The following BRINP3 variants were observed in gnomAD, a reference collection of about 807,000 sequenced individuals.
BRINP3 encodes the protein BMP/retinoic acid inducible neural specific 3, also known as BMP/retinoic acid-inducible neural-specific protein 3.
A neutral mutation model predicts 71.0 loss-of-function variants in BRINP3; 19 were observed. The ratio of observed to expected loss-of-function variants is 0.27; its 90% CI spans 0.19 to 0.39. The LOEUF (loss-of-function observed/expected upper bound fraction) is 0.39, where lower values mean the gene tolerates loss of function less well. BRINP3 is among the 10% of genes least tolerant of loss of function. The pLI is 1.00. For missense variants in BRINP3, 959 were observed against 940.8 expected (o/e 1.02, Z -0.25); for synonymous variants, 380 against 337.7 (o/e 1.13, Z -1.37).
chr1:190,220,679 T>C (rs1471437427), intron 6 of BRINP3, among the ~76,000 whole-genome samples: 2 of 151,968 alleles, frequency 1.3e-5, no homozygotes, highest in African/African-American at 4.8e-5. Flanking sequence ...TTAGGCAAAA[T>C]CATCCTTAAA....
At chr1:190,395,143 T>C (rs1015902373) in intron 2 of BRINP3, among the ~76,000 whole-genome samples, 2 of 151,788 alleles carry the variant, frequency 1.3e-5, no homozygotes, top group African/African-American at 4.8e-5. Flanking sequence ...TATTGTTTAC[T>C]CAGGCTGCCA....
chr1:190,421,443 A>G (rs1218450434), intron 2 of BRINP3, among the ~76,000 whole-genome samples: 1 of 151,274 alleles, frequency 6.6e-6, no homozygotes, highest in Non-Finnish European at 1.5e-5. Flanking sequence ...GTCATACTAA[A>G]AATGGATCTA....
intron 2 of BRINP3, among the ~76,000 whole-genome samples, chr1:190,395,982 GAAGGAAGGAAGC>G (rs1312965864): frequency 1.4e-5 from 2 of 146,904 alleles, no homozygotes; most frequent in African/African-American, 2.5e-5. Context: ...AAGAAGGAAG[GAAGGAAGGAAGC>G]AAGGAAGGAA....
intron 2 of BRINP3, among the ~76,000 whole-genome samples, chr1:190,438,412 A>G (rs1045344915): frequency 2.0e-5 from 3 of 151,740 alleles, no homozygotes; most frequent in African/African-American, 7.2e-5. Flanking sequence ...TATGTAAAAC[A>G]GGATGATATA....
At chr1:190,391,068 C>A (rs1344742691) in intron 2 of BRINP3, among the ~76,000 whole-genome samples, 2 of 151,794 alleles carry the variant, frequency 1.3e-5, no homozygotes, top group African/African-American at 4.8e-5. Flanking sequence ...CTCCTTCATG[C>A]CAGTTATGGG....
intron 3 of BRINP3, among the ~76,000 whole-genome samples, chr1:190,278,711 T>C (rs550144726): frequency 6.6e-6 from 1 of 151,548 alleles, no homozygotes; most frequent in South Asian, 2.1e-4. Flanking sequence ...CTGAGTAAGG[T>C]TGTTAATTCC....
At chr1:190,408,323 C>T (rs887922877) in intron 2 of BRINP3, among the ~76,000 whole-genome samples, 3 of 151,974 alleles carry the variant, frequency 2.0e-5, no homozygotes, top group South Asian at 2.1e-4. Flanking sequence ...GGATTACAGG[C>T]GTGAGCCACC....
At chr1:190,464,495 G>A (rs1185354572) in intron 1 of BRINP3, among the ~76,000 whole-genome samples, 1 of 151,866 alleles carries the variant, frequency 6.6e-6, no homozygotes, top group Non-Finnish European at 1.5e-5. Context: ...CAGTTATTAT[G>A]TTTTCGTAAT....
At chr1:190,440,995 A>T (rs1674778756) in intron 2 of BRINP3, among the ~76,000 whole-genome samples, 1 of 151,984 alleles carries the variant, frequency 6.6e-6, no homozygotes, top group Admixed American at 6.6e-5. Context: ...GATTAAAAGA[A>T]AAAACAAATA....
intron 2 of BRINP3, among the ~76,000 whole-genome samples, chr1:190,377,974 A>G (rs1352145316): frequency 6.6e-6 from 1 of 152,170 alleles, no homozygotes; most frequent in Non-Finnish European, 1.5e-5. Flanking sequence ...TTGATTCAAT[A>G]TATCCATATC....
At chr1:190,477,202 A>T (rs1210590988) in intron 1 of BRINP3, among the ~76,000 whole-genome samples, 5 of 152,184 alleles carry the variant, frequency 3.3e-5, no homozygotes, top group Non-Finnish European at 2.9e-5. Context: ...AATGAGGACA[A>T]ATATTTTAAA....
chr1:190,146,889 T>G (rs1330602168), intron 7 of BRINP3, among the ~76,000 whole-genome samples: 2 of 152,054 alleles, frequency 1.3e-5, no homozygotes, highest in Admixed American at 6.6e-5. Flanking sequence ...AAAATATTAA[T>G]GGATAAAATA....
At chr1:190,113,808 T>C (rs28628369) in intron 7 of BRINP3, among the ~76,000 whole-genome samples, 1 of 152,130 alleles carries the variant, frequency 6.6e-6, no homozygotes, top group African/African-American at 2.4e-5. Context: ...GTCCAATCCA[T>C]GGTTTGGGGA....
At chr1:190,415,941 AT>A (rs1240022839) in intron 2 of BRINP3, among the ~76,000 whole-genome samples, 1 of 152,132 alleles carries the variant, frequency 6.6e-6, no homozygotes, top group Non-Finnish European at 1.5e-5. Flanking sequence ...TTGCATATAT[AT>A]TTTTAACAAT....
intron 2 of BRINP3, among the ~76,000 whole-genome samples, chr1:190,432,059 T>C (rs1674134152): frequency 6.6e-6 from 1 of 152,100 alleles, no homozygotes; most frequent in Non-Finnish European, 1.5e-5. Flanking sequence ...TTCATATATA[T>C]ACACAAATAG....
At chr1:190,235,587 G>A (rs550719719) in intron 4 of BRINP3, among the ~76,000 whole-genome samples, 2 of 151,972 alleles carry the variant, frequency 1.3e-5, no homozygotes, top group African/African-American at 4.8e-5. Flanking sequence ...CCCTAAATCC[G>A]TCTCTTCTCT....
chr1:190,205,668 A>G (rs781000141), intron 6 of BRINP3, among the ~76,000 whole-genome samples: 3 of 152,218 alleles, frequency 2.0e-5, no homozygotes, highest in Non-Finnish European at 2.9e-5. Context: ...CATGTTTACT[A>G]TACTTCCAAA....
intron 2 of BRINP3, among the ~76,000 whole-genome samples, chr1:190,325,971 T>C (rs1033214998): frequency 6.6e-6 from 1 of 152,062 alleles, no homozygotes; most frequent in Non-Finnish European, 1.5e-5. Context: ...AAATAATGTA[T>C]TCAAACAATA....
chr1:190,106,271 T>C lies in BRINP3; in HGVS notation c.1185-7137A>G, dbSNP rs1464657747. 4.0e-5 allele frequency among the ~76,000 whole-genome samples: 6 copies of C among 151,884 alleles called. No homozygotes were observed. The East Asian group carries it at 1.2e-3, about 29-fold the overall frequency. On this transcript the variant is annotated intron_variant, in intron 7 of 7. Coordinates refer to ENST00000367462, the MANE Select transcript of BRINP3 (RefSeq NM_199051.3). The stretch of plus-strand genomic sequence containing the variant: ...AAACAATTATATACATACACATATA[T>C]ATAATGAAAATGATTTTATATATAT...
Sources: gnomAD v4.1 joint callset for allele counts (sites outside exome capture counted in the v4.1 genomes callset) on GRCh38, gnomAD v4.1.1 for gene constraint, MANE v1.5 for transcripts, NCBI Gene and HGNC (gene_info 2026-07-23, HGNC 2026-07-21) for gene names.